Variants in CARMIL1 observed in about 807,000 individuals in gnomAD.
CARMIL1 encodes F-actin-uncapping protein LRRC16A.
Under a neutral mutation model 177.1 loss-of-function variants are expected in CARMIL1, and 90 were observed. The observed-to-expected ratio is 0.51, with a 90% CI of 0.43 to 0.61. The LOEUF is 0.61. Among genes scored for constraint, CARMIL1 ranks in the 20% least tolerant of loss-of-function variants. The pLI is 0.00. For synonymous variants in CARMIL1, 577 were observed against 606.2 expected, an observed-to-expected ratio of 0.95 and a Z score of 0.71; for missense variants, 1,380 against 1,667.0, an observed-to-expected ratio of 0.83 and a Z score of 3.00.
intron 12 of CARMIL1, among the ~76,000 whole-genome samples, chr6:25,483,994 GC>G (rs775353773): frequency 4.6e-5 from 7 of 152,082 alleles, no homozygotes; most frequent in Non-Finnish European, 8.8e-5. Flanking sequence ...CTGAGCTCAA[GC>G]GATCTGCCTG....
Position 25,465,863 on chromosome 6 carries a change from C to T in CARMIL1, c.615-10C>T, listed in dbSNP as rs1462112005. On this transcript the variant is annotated splice_polypyrimidine_tract_variant and intron_variant, in intron 8 of 36. Coordinates refer to ENST00000329474, the MANE Select transcript of CARMIL1 (RefSeq NM_017640.6). ...AGCACTTTCATGTACTTTGTTGTTT[C>T]TGCTTCCAGGGACCTAATACCTATC... The T allele has an allele frequency of 1.9e-6, 3 of 1,593,026 alleles. No individual in the cohort carries two copies. In the South Asian group the frequency reaches 3.3e-5, roughly 18 times the overall value.
intron 2 of CARMIL1, among the ~76,000 whole-genome samples, chr6:25,419,711 A>T (rs1368111571): frequency 6.6e-6 from 1 of 152,188 alleles, no homozygotes; most frequent in African/African-American, 2.4e-5. Context: ...AGGTGTTTGT[A>T]ATTTGGGAAG....
rs527240015 is a variant in CARMIL1, at chr6:25,456,050, T to C, written c.614+5339T>C. On this transcript the variant is annotated intron_variant, in intron 8 of 36. Transcript: ENST00000329474. ...CCTAGGATCTGCTCTTCTTCAGACATAGGCCCCGTGTTAGGACACTGTGCC... is the reference window on the plus strand; with the variant it reads ...CCTAGGATCTGCTCTTCTTCAGACACAGGCCCCGTGTTAGGACACTGTGCC... Among the ~76,000 whole-genome samples the C allele has an allele frequency of 7.4e-4, 113 of 152,294 alleles. 1 individual carries two copies. Among genetic ancestry groups the C allele is most frequent in the Admixed American group, 1.6e-3 (25 of 15,294 alleles).
Position 25,509,603 on chromosome 6 carries a change from A to T in CARMIL1, c.1396-53A>T. The T allele has an allele frequency of 8.5e-7, 1 of 1,176,894 alleles. No individual in the cohort carries two copies. Among genetic ancestry groups the T allele is most frequent in the Non-Finnish European group, 1.2e-6 (1 of 811,740 alleles). The allele number at this position is 1,176,894 out of a possible 1,614,324, so 72.9% of individuals were successfully genotyped here. A position where few individuals can be genotyped will look rare whatever the true frequency, so the allele number is the denominator to read the frequency against. ...CTCTCCTATTTTTAATTTTTTGATTACATCTCCAGTAGAGTGAAGACTTTA... is the reference window on the plus strand; with the variant it reads ...CTCTCCTATTTTTAATTTTTTGATTTCATCTCCAGTAGAGTGAAGACTTTA... On this transcript the variant is annotated intron_variant, in intron 17 of 36. Transcript: ENST00000329474. The surrounding 1 kb of genome is among the most constrained non-coding windows in gnomAD (Gnocchi z 4.1).
At chr6:25,437,789 T>C (rs9461172) in intron 5 of CARMIL1, among the ~76,000 whole-genome samples, 4,889 of 152,316 alleles carry the variant, frequency 0.032, 181 homozygotes, top group African/African-American at 0.095. Flanking sequence ...TCATATTCAA[T>C]TGGTTGCTAA....
At chr6:25,583,736 C>G (rs1813351635) in intron 31 of CARMIL1, among the ~76,000 whole-genome samples, 2 of 152,032 alleles carry the variant, frequency 1.3e-5, no homozygotes, top group Admixed American at 1.3e-4. Context: ...ATTTTTTAGT[C>G]CATTATTACA....
At chr6:25,445,664 A>G (rs984358250) in intron 5 of CARMIL1, among the ~76,000 whole-genome samples, 7 of 151,386 alleles carry the variant, frequency 4.6e-5, no homozygotes, top group Non-Finnish European at 1.0e-4. Flanking sequence ...CCTTCCGAGT[A>G]ACTGGGACTA....
At chr6:25,582,193 T>G (rs1045814189) in intron 31 of CARMIL1, among the ~76,000 whole-genome samples, 1 of 152,144 alleles carries the variant, frequency 6.6e-6, no homozygotes, top group African/African-American at 2.4e-5. Flanking sequence ...CCAGACCAAA[T>G]CCTGTGGACT....
intron 5 of CARMIL1, among the ~76,000 whole-genome samples, chr6:25,441,337 A>ATATATATATATATATGTGTGTG: frequency 8.3e-4 from 78 of 94,518 alleles, no homozygotes; most frequent in Non-Finnish European, 1.2e-3. Context: ...ATATATATAT[A>ATATATATATATATATGTGTGTG]TGTGTGTGTG....
intron 32 of CARMIL1, 65 bp downstream of exon 32, chr6:25,594,592 A>G (rs1214474676): frequency 3.3e-6 from 3 of 921,992 alleles, no homozygotes; most frequent in Non-Finnish European, 5.1e-6. Flanking sequence ...AACAGTTACA[A>G]TTAAACTTAG....
At chr6:25,340,200 C>A (rs542120414) in intron 2 of CARMIL1, among the ~76,000 whole-genome samples, 17 of 152,158 alleles carry the variant, frequency 1.1e-4, no homozygotes, top group Non-Finnish European at 1.5e-4. Context: ...CCAATTAACC[C>A]AGTTGGGCAG....
At chr6:25,361,290 CAG>C (rs1352936695) in intron 2 of CARMIL1, among the ~76,000 whole-genome samples, 8 of 152,164 alleles carry the variant, frequency 5.3e-5, no homozygotes, top group Non-Finnish European at 8.8e-5. Flanking sequence ...TAAATAGAAA[CAG>C]TGTTTTTGGT....
intron 31 of CARMIL1, among the ~76,000 whole-genome samples, chr6:25,590,715 T>A (rs1311909269): frequency 2.0e-5 from 3 of 152,140 alleles, no homozygotes; most frequent in African/African-American, 7.2e-5. Flanking sequence ...TTTGATAATT[T>A]ATATATTTTT....
chr6:25,458,039 A>G (rs1040418464), intron 8 of CARMIL1, among the ~76,000 whole-genome samples: 1 of 152,122 alleles, frequency 6.6e-6, no homozygotes, highest in Non-Finnish European at 1.5e-5. Context: ...AAGGAGGGAA[A>G]TTAGTACTGA....
chr6:25,367,130 C>G (rs74942830), intron 2 of CARMIL1, among the ~76,000 whole-genome samples: 1 of 152,090 alleles, frequency 6.6e-6, no homozygotes, highest in Admixed American at 6.6e-5. Flanking sequence ...CTCAAATGTT[C>G]GGAAAGCTTG....
intron 2 of CARMIL1, among the ~76,000 whole-genome samples, chr6:25,398,233 C>T (rs1210590567): frequency 1.3e-5 from 2 of 152,122 alleles, no homozygotes; most frequent in African/African-American, 2.4e-5. Flanking sequence ...ACTAGGACCT[C>T]TTCCACCAAG....
At chr6:25,559,509 C>G (rs114111461) in intron 29 of CARMIL1, among the ~76,000 whole-genome samples, 276 of 152,230 alleles carry the variant, frequency 1.8e-3, no homozygotes, top group African/African-American at 5.9e-3. Flanking sequence ...AGTACATGCA[C>G]GCAACCTTTC....
At chr6:25,556,668 T>C in intron 28 of CARMIL1, 33 bp from the exon 29 acceptor site, 1 of 1,589,632 alleles carries the variant, frequency 6.3e-7, no homozygotes, top group Non-Finnish European at 8.6e-7. Flanking sequence ...CTCTGTACTT[T>C]AATTTCTCCT....
intron 2 of CARMIL1, among the ~76,000 whole-genome samples, chr6:25,299,480 G>C (rs1782684031): frequency 6.6e-6 from 1 of 151,920 alleles, no homozygotes; most frequent in Admixed American, 6.6e-5. Context: ...CCCATGCTGG[G>C]TTCTTAATCT....
Sources: gnomAD v4.1 joint callset for allele counts (sites outside exome capture counted in the v4.1 genomes callset) on GRCh38, gnomAD v4.1.1 for gene constraint, Gnocchi (gnomAD v3.1) non-coding constraint, MANE v1.5 for transcripts, NCBI Gene and HGNC (gene_info 2026-07-23, HGNC 2026-07-21) for gene names.